The following PLXDC2 variants were observed in gnomAD, a reference collection of about 807,000 sequenced individuals.
PLXDC2 encodes plexin domain containing 2, also known as plexin domain-containing protein 2.
In PLXDC2, 40 loss-of-function variants were observed where a neutral mutation model predicts 68.9. The observed-to-expected ratio is 0.58, with a 90% CI of 0.45 to 0.76. The LOEUF (loss-of-function observed/expected upper bound fraction) is 0.76. Among genes scored for constraint, PLXDC2 ranks in the 30% least tolerant of loss-of-function variants. PLXDC2 has a pLI of 0.00. For synonymous variants in PLXDC2, 243 were observed against 234.2 expected (o/e 1.04, Z -0.34); for missense variants, 644 against 661.9 (o/e 0.97, Z 0.30).
chr10:20,096,205 C>A (rs1833347237), intron 4 of PLXDC2, among the ~76,000 whole-genome samples: 1 of 152,178 alleles, frequency 6.6e-6, no homozygotes, highest in African/African-American at 2.4e-5. Flanking sequence ...TAATTAGTAT[C>A]TTGTGCATAA....
intron 4 of PLXDC2, among the ~76,000 whole-genome samples, chr10:20,126,971 A>G (rs115338456): frequency 0.018 from 2,718 of 150,046 alleles, 81 homozygotes; most frequent in African/African-American, 0.061. Context: ...ACATATATAT[A>G]AAACACTAGG....
chr10:20,057,868 G>GA (rs1158534484), intron 3 of PLXDC2, among the ~76,000 whole-genome samples: 1 of 151,442 alleles, frequency 6.6e-6, no homozygotes, highest in Non-Finnish European at 1.5e-5. Flanking sequence ...CTTAGTTTTT[G>GA]AAAAAAATCA....
At chr10:19,854,246 G>A (rs1328738710) in intron 1 of PLXDC2, among the ~76,000 whole-genome samples, 1 of 152,188 alleles carries the variant, frequency 6.6e-6, no homozygotes, top group Non-Finnish European at 1.5e-5. Context: ...CTGTGTTTAG[G>A]ACAGTCTCTA....
At chr10:20,018,388 TA>T (rs1238175002) in intron 2 of PLXDC2, among the ~76,000 whole-genome samples, 3 of 152,250 alleles carry the variant, frequency 2.0e-5, no homozygotes, top group African/African-American at 4.8e-5. Flanking sequence ...TTATTTTATT[TA>T]AGCACTATCC....
intron 6 of PLXDC2, among the ~76,000 whole-genome samples, chr10:20,150,920 G>T (rs546835552): frequency 8.5e-5 from 13 of 152,124 alleles, no homozygotes; most frequent in Non-Finnish European, 1.8e-4. Flanking sequence ...TTTGTTATGG[G>T]GAATTTCAAG....
intron 1 of PLXDC2, among the ~76,000 whole-genome samples, chr10:19,931,554 CCTT>C (rs1339752150): frequency 6.6e-6 from 1 of 152,178 alleles, no homozygotes; most frequent in African/African-American, 2.4e-5. Flanking sequence ...GGAAGACTCT[CCTT>C]CTAATGCCAG....
intron 1 of PLXDC2, among the ~76,000 whole-genome samples, chr10:19,820,799 T>G (rs1461696680): frequency 6.6e-6 from 1 of 151,692 alleles, no homozygotes; most frequent in Non-Finnish European, 1.5e-5. Context: ...AGCTGCAGGC[T>G]GGGCACGGCA....
intron 1 of PLXDC2, among the ~76,000 whole-genome samples, chr10:19,926,250 T>G (rs756040900): frequency 2.0e-5 from 3 of 152,168 alleles, no homozygotes; most frequent in Non-Finnish European, 4.4e-5. Context: ...CAAGAAATAA[T>G]GACTTTTATT....
chr10:19,817,988 G>A (rs1349011755), intron 1 of PLXDC2, among the ~76,000 whole-genome samples: 2 of 152,198 alleles, frequency 1.3e-5, no homozygotes, highest in Non-Finnish European at 2.9e-5. Flanking sequence ...CGCCGAGCGG[G>A]AGCTGCCTCC....
At chr10:19,880,401 G>A (rs1174143857) in intron 1 of PLXDC2, among the ~76,000 whole-genome samples, 3 of 152,156 alleles carry the variant, frequency 2.0e-5, no homozygotes, top group Non-Finnish European at 4.4e-5. Flanking sequence ...ATTATGCACT[G>A]TAAGAGATTA....
chr10:20,059,310 A>G (rs1321631833), intron 3 of PLXDC2, among the ~76,000 whole-genome samples: 2 of 139,996 alleles, frequency 1.4e-5, no homozygotes, highest in Non-Finnish European at 3.1e-5. Context: ...TAAATATCAC[A>G]TAACTAATAT....
chr10:19,970,909 G>A (rs568002664), intron 1 of PLXDC2, among the ~76,000 whole-genome samples: 22 of 152,246 alleles, frequency 1.4e-4, no homozygotes, highest in South Asian at 6.2e-4. Flanking sequence ...ATGTTCTTCC[G>A]TGGGAGTCTC....
chr10:20,195,500 G>T (rs1057332931), intron 9 of PLXDC2, among the ~76,000 whole-genome samples: 5 of 151,990 alleles, frequency 3.3e-5, no homozygotes, highest in Non-Finnish European at 7.4e-5. Context: ...TGAGAGATGG[G>T]GGCAATGATA....
chr10:19,930,472 A>G (rs985379848), intron 1 of PLXDC2, among the ~76,000 whole-genome samples: 2 of 152,160 alleles, frequency 1.3e-5, no homozygotes, highest in African/African-American at 4.8e-5. Context: ...AATGAAATGC[A>G]ATGAAGCTGA....
chr10:19,848,216 G>A (rs1029772343), intron 1 of PLXDC2, among the ~76,000 whole-genome samples: 1 of 152,082 alleles, frequency 6.6e-6, no homozygotes, highest in African/African-American at 2.4e-5. Flanking sequence ...GAAGATGGCC[G>A]CTATGAAAAT....
chr10:19,937,765 A>C (rs1270878828), intron 1 of PLXDC2, among the ~76,000 whole-genome samples: 8 of 152,062 alleles, frequency 5.3e-5, no homozygotes. Flanking sequence ...GGGCAGGTTC[A>C]TCTAAACAGA....
At chr10:20,125,007 T>C (rs1391511741) in intron 4 of PLXDC2, among the ~76,000 whole-genome samples, 1 of 152,136 alleles carries the variant, frequency 6.6e-6, no homozygotes, top group Non-Finnish European at 1.5e-5. Context: ...CAGCAACAAC[T>C]TGTAGTTTCT....
At chr10:20,166,290 G>T (rs1834373853) in intron 7 of PLXDC2, among the ~76,000 whole-genome samples, 1 of 152,118 alleles carries the variant, frequency 6.6e-6, no homozygotes, top group African/African-American at 2.4e-5. Context: ...GATACGTGGT[G>T]GTTCTGCTTG....
chr10:19,998,741 A>G (rs1834880669), intron 1 of PLXDC2, among the ~76,000 whole-genome samples: 1 of 152,128 alleles, frequency 6.6e-6, no homozygotes, highest in Non-Finnish European at 1.5e-5. Flanking sequence ...TCAACATTTG[A>G]CTGTAACAGC....
Sources: allele counts gnomAD v4.1 joint callset (sites outside exome capture counted in the v4.1 genomes callset), GRCh38; gene constraint gnomAD v4.1.1; transcripts MANE v1.5; gene names NCBI Gene and HGNC (gene_info 2026-07-23, HGNC 2026-07-21).